The following CDH23 variants were observed in gnomAD, a reference collection of about 807,000 sequenced individuals.
CDH23 encodes cadherin related 23.
In CDH23, 189 loss-of-function variants were observed where a neutral mutation model predicts 317.1. That is an observed-to-expected ratio of 0.60 (90% CI 0.53 to 0.67). The LOEUF (loss-of-function observed/expected upper bound fraction) is 0.67. CDH23 is among the 30% of genes least tolerant of loss of function. The probability of loss-of-function intolerance (pLI) is 0.00; values close to 1 mark genes in which losing one functional copy is unlikely to be tolerated. For synonymous variants in CDH23, 1,839 were observed against 1,876.8 expected (o/e 0.98, Z 0.52); for missense variants, 4,401 against 4,592.4 (o/e 0.96, Z 1.20).
intron 6 of CDH23, among the ~76,000 whole-genome samples, chr10:71,520,716 T>G (rs368873398): frequency 6.6e-6 from 1 of 152,204 alleles, no homozygotes; most frequent in African/African-American, 2.4e-5. Flanking sequence ...AGGTGTCTGA[T>G]CAGCCACCAG....
chr10:71,693,476 A>T (rs960320610), intron 20 of CDH23, among the ~76,000 whole-genome samples: 1 of 152,254 alleles, frequency 6.6e-6, no homozygotes, highest in African/African-American at 2.4e-5. Flanking sequence ...CAATGTAATT[A>T]GGAAATTATT....
At chr10:71,769,125 A>G (rs1405502697) in intron 38 of CDH23, among the ~76,000 whole-genome samples, 1 of 152,252 alleles carries the variant, frequency 6.6e-6, no homozygotes, top group Non-Finnish European at 1.5e-5. Context: ...TACATTAAAT[A>G]ACATTGAATC....
chr10:71,793,367 A>G lies in CDH23; in HGVS notation c.6439A>G (p.Thr2147Ala), dbSNP rs369570187. 3.7e-6 allele frequency: 6 copies of G among 1,613,844 alleles called. No individual in the cohort carries two copies. Among genetic ancestry groups the G allele is most frequent in the Admixed American group, 1.7e-5 (1 of 60,004 alleles). ...GTCCTACAGGCTAACGGTGGTGGCC[A>G]CCGACCGGGGCACCGTTCCTCTCTC... is the stretch of plus-strand genomic sequence containing the variant. The part of the protein sequence containing the change: ...QESYRLTVVA[T>A]DRGTVPLSGT... Residue 2147 changes from threonine (T) to alanine (A), a missense_variant, in exon 48 of 70, where the codon ACC becomes GCC. Thr to Ala is a moderately conservative substitution (Grantham distance 58). This residue lies in a region of CDH23 where 3,068 missense variants were observed against 3,203.3 expected (regional missense o/e 0.96). Coordinates refer to ENST00000224721, the MANE Select transcript of CDH23 (RefSeq NM_022124.6).
intron 6 of CDH23, among the ~76,000 whole-genome samples, chr10:71,551,043 A>G (rs1856567282): frequency 1.3e-5 from 2 of 152,362 alleles, no homozygotes; most frequent in Admixed American, 6.5e-5. Flanking sequence ...ATGATTCGTG[A>G]TTATTATTTG....
Position 71,734,343 on chromosome 10 carries a change from T to A in CDH23, c.4206+2T>A, listed in dbSNP as rs1290656052. ...GGCCCCAAGGTGGACTCCACCGTGG[T>A]GAGTGGGACCAGGGTGAGAGTCCCT... On this transcript the variant is annotated splice_donor_variant, in intron 33 of 69. Coordinates refer to ENST00000224721, the MANE Select transcript of CDH23 (RefSeq NM_022124.6). LOFTEE classifies it high-confidence loss of function. 1 of 1,604,428 alleles carries A rather than the reference T, an allele frequency of 6.2e-7. No individual in the cohort carries two copies. The highest frequency in any genetic ancestry group is 2.2e-5 in the East Asian group (1 of 44,502).
At chr10:71,740,795 T>C (rs7918476) in intron 36 of CDH23, 27 bp from the exon 37 acceptor site, 3 of 1,613,418 alleles carry the variant, frequency 1.9e-6, no homozygotes, top group Non-Finnish European at 2.5e-6. Context: ...GCTTTAGCCC[T>C]GACTCCAGTT....
At chr10:71,408,740 C>T (rs1019057338) in intron 1 of CDH23, among the ~76,000 whole-genome samples, 58 of 152,202 alleles carry the variant, frequency 3.8e-4, no homozygotes, top group African/African-American at 1.3e-3. Flanking sequence ...GACCTCGTTG[C>T]ACCTGTGTGT....
intron 9 of CDH23, among the ~76,000 whole-genome samples, chr10:71,581,959 C>G (rs989558298): frequency 6.6e-6 from 1 of 152,236 alleles, no homozygotes; most frequent in Non-Finnish European, 1.5e-5. Context: ...CCAGCTGTGC[C>G]ACCTGCCAGC....
At chr10:71,621,673 C>T (rs1315719855) in intron 11 of CDH23, among the ~76,000 whole-genome samples, 2 of 152,206 alleles carry the variant, frequency 1.3e-5, no homozygotes, top group Non-Finnish European at 2.9e-5. Context: ...AAGGAAGAAG[C>T]AGTGTAACCT....
At chr10:71,777,229 G>A (rs1411652979) in intron 38 of CDH23, among the ~76,000 whole-genome samples, 2 of 152,196 alleles carry the variant, frequency 1.3e-5, no homozygotes, top group East Asian at 3.8e-4. Flanking sequence ...TATGGCATTG[G>A]GCCGAGTGCC....
chr10:71,654,032 G>A (rs1863302528), intron 14 of CDH23, among the ~76,000 whole-genome samples: 1 of 152,134 alleles, frequency 6.6e-6, no homozygotes, highest in Admixed American at 6.5e-5. Context: ...GTTTTTGTCT[G>A]TGCTCAACCC....
At chr10:71,629,975 C>T (rs61851976) in intron 11 of CDH23, among the ~76,000 whole-genome samples, 12,185 of 152,088 alleles carry the variant, frequency 0.08, 625 homozygotes, top group Non-Finnish European at 0.11. Context: ...AAAATGATGA[C>T]CTTTATGTTA....
chr10:71,666,508 C>T (rs1398411669), intron 14 of CDH23, among the ~76,000 whole-genome samples: 1 of 152,232 alleles, frequency 6.6e-6, no homozygotes, highest in Non-Finnish European at 1.5e-5. Flanking sequence ...GCCCATCTAA[C>T]ACCCACCATG....
At chr10:71,458,381 GTT>G (rs1850802989) in intron 3 of CDH23, among the ~76,000 whole-genome samples, 1 of 152,244 alleles carries the variant, frequency 6.6e-6, no homozygotes, top group African/African-American at 2.4e-5. Flanking sequence ...CAAGGCCTGG[GTT>G]TCAATGCCAG....
Position 71,734,357 on chromosome 10 carries a change from G to T in CDH23, c.4206+16G>T, listed in dbSNP as rs776698303. 1.3e-6 allele frequency: 2 copies of T among 1,595,648 alleles called. No homozygotes were observed. Among genetic ancestry groups the T allele is most frequent in the Non-Finnish European group, 8.5e-7 (1 of 1,170,100 alleles). On this transcript the variant is annotated intron_variant, in intron 33 of 69. Transcript: ENST00000224721. Reference sequence around the variant, plus strand: ...CTCCACCGTGGTGAGTGGGACCAGGGTGAGAGTCCCTCAGGTGCGGCCCAT... The same window carrying T: ...CTCCACCGTGGTGAGTGGGACCAGGTTGAGAGTCCCTCAGGTGCGGCCCAT...
intron 6 of CDH23, among the ~76,000 whole-genome samples, chr10:71,549,375 A>G (rs1038031683): frequency 6.6e-6 from 1 of 152,254 alleles, no homozygotes; most frequent in Non-Finnish European, 1.5e-5. Context: ...GCACGGATGC[A>G]TAGAGTCCCA....
intron 7 of CDH23, among the ~76,000 whole-genome samples, chr10:71,567,185 A>G (rs373665467): frequency 1.7e-4 from 26 of 152,226 alleles, no homozygotes; most frequent in African/African-American, 5.5e-4. Flanking sequence ...AGTATTGTTA[A>G]GATGCCCACT....
At chr10:71,425,400 G>A (rs1384041729) in intron 1 of CDH23, among the ~76,000 whole-genome samples, 2 of 149,794 alleles carry the variant, frequency 1.3e-5, no homozygotes, top group East Asian at 3.9e-4. Flanking sequence ...AGGAAGGAAG[G>A]AAGGAAGGAA....
At chr10:71,691,953 C>T (rs1865201498) in intron 20 of CDH23, among the ~76,000 whole-genome samples, 2 of 152,218 alleles carry the variant, frequency 1.3e-5, no homozygotes, top group African/African-American at 4.8e-5. Context: ...TTTTCTATCT[C>T]TGAGAAAGTG....
Sources: gnomAD v4.1 joint callset for allele counts (sites outside exome capture counted in the v4.1 genomes callset) on GRCh38, gnomAD v4.1.1 for gene constraint, gnomAD v4.1.1 regional missense constraint, MANE v1.5 for transcripts, NCBI Gene and HGNC (gene_info 2026-07-23, HGNC 2026-07-21) for gene names.